ZEB1: variants seen among roughly 807,000 people sequenced by gnomAD.
ZEB1 encodes zinc finger E-box-binding homeobox 1.
ZEB1 carries 21 observed loss-of-function variants against 84.9 expected under a neutral mutation model. The ratio of observed to expected loss-of-function variants is 0.25; its 90% confidence interval spans 0.18 to 0.36. ZEB1 has a LOEUF of 0.36. Among genes scored for constraint, ZEB1 ranks in the 10% least tolerant of loss-of-function variants. The probability of loss-of-function intolerance (pLI) is 1.00; values close to 1 mark genes in which losing one functional copy is unlikely to be tolerated. For synonymous variants in ZEB1, 420 were observed against 471.1 expected (o/e 0.89, Z 1.41); for missense variants, 1,104 against 1,330.2 (o/e 0.83, Z 2.65).
chr10:31,411,034 T>C (rs1003366913), intron 1 of ZEB1, among the ~76,000 whole-genome samples: 1 of 152,226 alleles, frequency 6.6e-6, no homozygotes, highest in African/African-American at 2.4e-5. Flanking sequence ...TGTCGTCTGC[T>C]AGCTTTTGAA....
chr10:31,460,722 A>T (rs1322727955), intron 1 of ZEB1, among the ~76,000 whole-genome samples: 1 of 152,130 alleles, frequency 6.6e-6, no homozygotes, highest in Non-Finnish European at 1.5e-5. Flanking sequence ...TAAAACAAGG[A>T]TATAAGTAGT....
intron 1 of ZEB1, among the ~76,000 whole-genome samples, chr10:31,412,767 GA>G (rs1423652855): frequency 9.9e-5 from 15 of 152,118 alleles, no homozygotes; most frequent in Non-Finnish European, 1.8e-4. Flanking sequence ...AAGCTTTTCA[GA>G]AAGTTTCTCC....
intron 8 of ZEB1, 35 bp from the exon 9 acceptor site, chr10:31,526,637 C>G: frequency 6.2e-7 from 1 of 1,609,532 alleles, no homozygotes; most frequent in Non-Finnish European, 8.5e-7. Flanking sequence ...TTGCTGAATA[C>G]CACCATTTTA....
chr10:31,516,437 G>C (rs780711082), intron 6 of ZEB1, among the ~76,000 whole-genome samples: 21 of 148,094 alleles, frequency 1.4e-4, no homozygotes, highest in Non-Finnish European at 1.6e-4. Flanking sequence ...CAAAATGAAT[G>C]CTGTGAAATG....
chr10:31,517,683 G>A (rs1338052921), intron 6 of ZEB1, among the ~76,000 whole-genome samples: 1 of 152,024 alleles, frequency 6.6e-6, no homozygotes, highest in Non-Finnish European at 1.5e-5. Context: ...AACAAATATA[G>A]TGACTTTGGC....
rs1007927309 is a variant in ZEB1, at chr10:31,351,453, T to G, written c.58+32161T>G. On this transcript the variant is annotated intron_variant, in intron 1 of 8. Transcript: ENST00000424869. Reference sequence around the variant, plus strand: ...TTTTCAAAATTCTTTACTTGCTATTTTAGAATTCTTTATTTTCTAAGAATT... The same window carrying G: ...TTTTCAAAATTCTTTACTTGCTATTGTAGAATTCTTTATTTTCTAAGAATT... Among the ~76,000 whole-genome samples the G allele has an allele frequency of 3.3e-5, 5 of 152,318 alleles. No individual in the cohort carries two copies. The South Asian group carries it at 1.0e-3, about 32-fold the overall frequency.
chr10:31,435,392 T>C (rs560774484), intron 1 of ZEB1, among the ~76,000 whole-genome samples: 1 of 152,346 alleles, frequency 6.6e-6, no homozygotes, highest in East Asian at 1.9e-4. Flanking sequence ...GATATGTCAG[T>C]TTGTTACATC....
intron 1 of ZEB1, among the ~76,000 whole-genome samples, chr10:31,380,617 T>C (rs1240244257): frequency 6.6e-6 from 1 of 152,148 alleles, no homozygotes; most frequent in Non-Finnish European, 1.5e-5. Context: ...CTGCCACCCC[T>C]TACACATTTA....
intron 1 of ZEB1, among the ~76,000 whole-genome samples, chr10:31,450,944 T>G (rs10826952): frequency 0.12 from 18,635 of 151,990 alleles, 2,917 homozygotes; most frequent in African/African-American, 0.36. Flanking sequence ...ATGTATATCC[T>G]TCCTCAGATT....
rs2072303121 is a variant in ZEB1, at chr10:31,521,298, C to T, written c.1966C>T (p.Pro656Ser). 2 of 1,613,850 alleles carry T rather than the reference C, an allele frequency of 1.2e-6. No homozygotes were observed. Among genetic ancestry groups the T allele is most frequent in the Non-Finnish European group, 1.7e-6 (2 of 1,180,000 alleles). Reference sequence around the variant, plus strand: ...TCCTGAACCAGGCAAAGTAAATATCCCTGCCAAGAACAATGATCAGCCTCA... The same window carrying T: ...TCCTGAACCAGGCAAAGTAAATATCTCTGCCAAGAACAATGATCAGCCTCA... ...SSPEPGKVNI[P>S]AKNNDQPQSA... The change falls in exon 7 of 9, where the codon CCT (proline) becomes TCT (serine). Residue 656 changes from proline to serine, a missense_variant. Around this residue, in one of 7 missense-constraint regions of ZEB1, gnomAD observed 531 missense variants for 575.2 expected, o/e 0.92. Coordinates refer to ENST00000424869, the MANE Select transcript of ZEB1 (RefSeq NM_001174096.2).
At chr10:31,484,534 C>G (rs1022254345) in intron 2 of ZEB1, among the ~76,000 whole-genome samples, 1 of 152,074 alleles carries the variant, frequency 6.6e-6, no homozygotes, top group East Asian at 1.9e-4. Context: ...TAATTATTAT[C>G]TGTAATTTCA....
chr10:31,342,263 A>G (rs1402167939), intron 1 of ZEB1, among the ~76,000 whole-genome samples: 1 of 152,192 alleles, frequency 6.6e-6, no homozygotes, highest in Admixed American at 6.5e-5. Context: ...CCGGGTAAGA[A>G]GAGATTAAGT....
intron 4 of ZEB1, among the ~76,000 whole-genome samples, chr10:31,509,870 A>G (rs1266118944): frequency 6.6e-6 from 1 of 152,246 alleles, no homozygotes; most frequent in Non-Finnish European, 1.5e-5. Context: ...TAGGATTGTC[A>G]GGCTTAGACA....
chr10:31,494,624 A>G (rs2066979668), intron 2 of ZEB1, among the ~76,000 whole-genome samples: 1 of 152,004 alleles, frequency 6.6e-6, no homozygotes, highest in Non-Finnish European at 1.5e-5. Flanking sequence ...AGATAAGTAC[A>G]CTATTTCGGT....
At chr10:31,445,387 C>G (rs547193780) in intron 1 of ZEB1, among the ~76,000 whole-genome samples, 5 of 148,618 alleles carry the variant, frequency 3.4e-5, no homozygotes, top group South Asian at 4.3e-4. Flanking sequence ...TTCCTCTTTT[C>G]CTAATTGAAT....
chr10:31,461,513 CTTTAA>C (rs921107063), intron 2 of ZEB1, among the ~76,000 whole-genome samples: 2 of 151,966 alleles, frequency 1.3e-5, no homozygotes, highest in African/African-American at 4.8e-5. Flanking sequence ...TTGAACCTAC[CTTTAA>C]TTTTTTATTG....
intron 1 of ZEB1, among the ~76,000 whole-genome samples, chr10:31,324,945 G>A (rs1459508599): frequency 6.6e-6 from 1 of 152,046 alleles, no homozygotes; most frequent in Non-Finnish European, 1.5e-5. Context: ...TGTAGGCATT[G>A]CCATATAAAC....
intron 5 of ZEB1, among the ~76,000 whole-genome samples, chr10:31,514,223 A>G (rs572243291): frequency 2.6e-5 from 4 of 152,132 alleles, no homozygotes; most frequent in Non-Finnish European, 4.4e-5. Flanking sequence ...TGCGGTTTCT[A>G]TATCTATAAA....
intron 1 of ZEB1, among the ~76,000 whole-genome samples, chr10:31,334,101 A>G (rs1034078476): frequency 4.6e-5 from 7 of 152,058 alleles, no homozygotes; most frequent in Admixed American, 3.3e-4. Flanking sequence ...TATTTAAAAT[A>G]ATCTCTGTTA....
Sources: allele counts gnomAD v4.1 joint callset (sites outside exome capture counted in the v4.1 genomes callset), GRCh38; gene constraint gnomAD v4.1.1; regional missense constraint gnomAD v4.1.1; transcripts MANE v1.5; gene names NCBI Gene and HGNC (gene_info 2026-07-23, HGNC 2026-07-21).